Variants in UBAP1 observed in about 807,000 individuals in gnomAD.
The protein encoded by UBAP1 is ubiquitin associated protein 1.
In UBAP1, 5 loss-of-function variants were observed where a neutral mutation model predicts 39.0. The observed-to-expected ratio is 0.13, with a 90% CI of 0.07 to 0.27. The LOEUF is 0.27. Ranked by LOEUF, UBAP1 falls within the 10% of genes least tolerant of loss-of-function variation. The pLI is 1.00. For missense variants in UBAP1, 490 were observed against 608.1 expected, an observed-to-expected ratio of 0.81 and a Z score of 2.04; for synonymous variants, 211 against 225.1, an observed-to-expected ratio of 0.94 and a Z score of 0.56.
chr9:34,229,138 C>T (rs1833271874), intron 2 of UBAP1, among the ~76,000 whole-genome samples: 2 of 152,160 alleles, frequency 1.3e-5, no homozygotes, highest in African/African-American at 4.8e-5. Flanking sequence ...CTCATCTTTT[C>T]TGTCCCTAAG....
rs995006134 is a variant in UBAP1 at position 34,183,318 on chromosome 9, C to T, written c.-8+4078C>T. ...CAGCACTTTGGGGGGCCGAGGCGGG[C>T]GGATCATGAGGTCAGGAGATTGAGA... On this transcript the variant is annotated intron_variant, in intron 1 of 6. Transcript: ENST00000297661. Among the ~76,000 whole-genome samples, 10 of 151,214 alleles carry T rather than the reference C, an allele frequency of 6.6e-5. No individual in the cohort carries two copies. The East Asian group carries it at 2.0e-3, about 30-fold the overall frequency.
At chr9:34,248,799 A>C (rs1203434330) in intron 4 of UBAP1, among the ~76,000 whole-genome samples, 1 of 152,140 alleles carries the variant, frequency 6.6e-6, no homozygotes, top group Admixed American at 6.6e-5. Context: ...CCTACCACCT[A>C]ACCATGCTCC....
rs1163139553 is a variant in UBAP1, at chr9:34,241,893, A to G, written c.868A>G (p.Thr290Ala). The G allele has an allele frequency of 6.2e-7, 1 of 1,614,030 alleles. No individual in the cohort carries two copies. Among genetic ancestry groups the G allele is most frequent in the African/African-American group, 1.3e-5 (1 of 74,900 alleles). Residue 290 changes from threonine (T) to alanine (A), a missense_variant, in exon 4 of 7, where the codon ACA becomes GCA. Physicochemically the swap from Thr to Ala is moderately conservative, Grantham distance 58. Coordinates refer to ENST00000297661, the MANE Select transcript of UBAP1 (RefSeq NM_016525.5). ...CAAGCTGGCGAGCACTTTCCATAGC[A>G]CATCCTGCCTCCGCAATGGCACGTT... ...TAKLASTFHS[T>A]SCLRNGTFQN...
At chr9:34,213,707 A>G (rs558453716) in intron 1 of UBAP1, among the ~76,000 whole-genome samples, 1 of 152,162 alleles carries the variant, frequency 6.6e-6, no homozygotes, top group Non-Finnish European at 1.5e-5. Flanking sequence ...AGGGCATCCA[A>G]ACTGGTAAAG....
At chr9:34,192,144 T>C (rs1207576646) in intron 1 of UBAP1, among the ~76,000 whole-genome samples, 1 of 151,486 alleles carries the variant, frequency 6.6e-6, no homozygotes, top group Non-Finnish European at 1.5e-5. Context: ...GTCCCCGGCC[T>C]GTATAAACTT....
intron 1 of UBAP1, among the ~76,000 whole-genome samples, chr9:34,212,435 AT>A (rs1410331414): frequency 1.5e-5 from 2 of 137,232 alleles, no homozygotes; most frequent in Non-Finnish European, 3.3e-5. Flanking sequence ...ACTTATAGTT[AT>A]TTTCTATTTA....
At chr9:34,195,585 C>T (rs35570345) in intron 1 of UBAP1, among the ~76,000 whole-genome samples, 30,409 of 151,394 alleles carry the variant, frequency 0.2, 3,657 homozygotes, top group Non-Finnish European at 0.27. Context: ...GACTGTAGAG[C>T]CTTTGGATTT....
intron 1 of UBAP1, among the ~76,000 whole-genome samples, chr9:34,181,165 A>T (rs1342190908): frequency 2.7e-5 from 3 of 109,660 alleles, no homozygotes; most frequent in African/African-American, 1.0e-4. Context: ...CCCAGGCTGG[A>T]GTGCAGTGGC....
chr9:34,196,754 C>G (rs1264561166), intron 1 of UBAP1, among the ~76,000 whole-genome samples: 1 of 152,046 alleles, frequency 6.6e-6, no homozygotes, highest in East Asian at 1.9e-4. Flanking sequence ...TTCACTGATT[C>G]TTCAGCTTGA....
intron 1 of UBAP1, among the ~76,000 whole-genome samples, chr9:34,193,744 A>G (rs890366625): frequency 2.6e-5 from 4 of 152,062 alleles, no homozygotes; most frequent in African/African-American, 9.7e-5. Flanking sequence ...GAGCTTCTAT[A>G]CCCTTCTTGG....
Position 34,241,475 on chromosome 9 carries a change from A to G in UBAP1, c.450A>G (p.Ile150Met), listed in dbSNP as rs773929697. The change falls in exon 4 of 7, where the codon ATA becomes ATG. Residue 150 changes from isoleucine to methionine, a missense_variant. Transcript: ENST00000297661. Reference protein sequence around the residue: ...TKQKVLSPPHIKADFNLADFE... With the variant: ...TKQKVLSPPHMKADFNLADFE... ...AGAAAGTTCTCAGCCCACCTCACAT[A>G]AAGGCGGATTTCAATCTTGCTGACT... The G allele has an allele frequency of 6.2e-7, 1 of 1,613,750 alleles. No homozygotes were observed. The highest frequency in any genetic ancestry group is 8.5e-7 in the Non-Finnish European group (1 of 1,179,748).
At chr9:34,218,175 C>G in intron 1 of UBAP1, among the ~76,000 whole-genome samples, 1 of 138,008 alleles carries the variant, frequency 7.2e-6, no homozygotes, top group Non-Finnish European at 1.5e-5. Context: ...TGGCTTGAAC[C>G]CGGGAGGCGG....
chr9:34,239,155 C>T (rs1199344900), intron 3 of UBAP1, among the ~76,000 whole-genome samples: 1 of 152,244 alleles, frequency 6.6e-6, no homozygotes, highest in Non-Finnish European at 1.5e-5. Context: ...AGAGATTCTC[C>T]TGCCTTAGCC....
chr9:34,239,107 C>T (rs928693729), intron 3 of UBAP1, among the ~76,000 whole-genome samples: 2 of 152,202 alleles, frequency 1.3e-5, no homozygotes, highest in African/African-American at 4.8e-5. Context: ...TGCAGTGGCG[C>T]CATCTTGGCT....
intron 2 of UBAP1, among the ~76,000 whole-genome samples, chr9:34,232,955 A>G (rs2131605315): frequency 6.6e-6 from 1 of 152,332 alleles, no homozygotes; most frequent in African/African-American, 2.4e-5. Flanking sequence ...AGCTATCGAG[A>G]GTCTCATATA....
rs571428885 is a variant in UBAP1 at position 34,224,334 on chromosome 9, A to G, written c.34+3386A>G. The stretch of plus-strand genomic sequence containing the variant: ...GTGTGCTGTCAATGAGCATGAAGCA[A>G]TTCTTCACCAGGGTCTTGTTATGGA... On this transcript the variant is annotated intron_variant, in intron 2 of 6. Transcript: ENST00000297661. 2.0e-5 allele frequency: 9 copies of G among 444,416 alleles called. No homozygotes were observed. In the South Asian group the frequency reaches 3.1e-4, roughly 15 times the overall value. 27.5% of individuals were successfully genotyped at this position (444,416 alleles called of 1,614,324 possible).
At chr9:34,242,942 A>C (rs1194279241) in intron 4 of UBAP1, among the ~76,000 whole-genome samples, 2 of 152,218 alleles carry the variant, frequency 1.3e-5, no homozygotes, top group African/African-American at 4.8e-5. Flanking sequence ...ATTAGCTGGT[A>C]AAAAGATACA....
chr9:34,218,389 T>G (rs912411598), intron 1 of UBAP1, among the ~76,000 whole-genome samples: 1 of 148,616 alleles, frequency 6.7e-6, no homozygotes, highest in Non-Finnish European at 1.5e-5. Flanking sequence ...ATTTATTAAA[T>G]CAAAGACTCA....
rs140745622 is a variant in UBAP1, at chr9:34,241,976, C to T, written c.951C>T (p.His317=). 1 of 1,614,190 alleles carries T rather than the reference C, an allele frequency of 6.2e-7. No individual in the cohort carries two copies. Among genetic ancestry groups the T allele is most frequent in the South Asian group, 1.1e-5 (1 of 91,074 alleles). The change falls in exon 4 of 7, where the codon CAC becomes CAT. Residue 317 remains histidine, a synonymous_variant. Coordinates refer to ENST00000297661, the MANE Select transcript of UBAP1 (RefSeq NM_016525.5). ...GTGCCAGTGAGCTCAATGGGCATCA[C>T]ACTCTTGGGCTTTCAGCTTTGAACT... is the stretch of plus-strand genomic sequence containing the variant. ...QSSASELNGH[H]TLGLSALNLD... is the part of the protein sequence containing the mutation.
Sources: gnomAD v4.1 joint callset for allele counts (sites outside exome capture counted in the v4.1 genomes callset) on GRCh38, gnomAD v4.1.1 for gene constraint, MANE v1.5 for transcripts, NCBI Gene and HGNC (gene_info 2026-07-23, HGNC 2026-07-21) for gene names.